The following CDH9 variants were observed in gnomAD, a reference collection of about 807,000 sequenced individuals.
The protein encoded by CDH9 is cadherin 9.
In CDH9, 28 loss-of-function variants were observed where a neutral mutation model predicts 70.9. That is an observed-to-expected ratio of 0.40 (90% CI 0.29 to 0.54). CDH9 has a LOEUF of 0.54. Ranked by LOEUF, CDH9 falls within the 20% of genes least tolerant of loss-of-function variation. The probability of loss-of-function intolerance (pLI) is 0.59; values close to 1 mark genes in which losing one functional copy is unlikely to be tolerated. For missense variants in CDH9, 874 were observed against 984.4 expected (o/e 0.89, Z 1.50); for synonymous variants, 409 against 343.1 (o/e 1.19, Z -2.12).
At position 27,033,357 on chromosome 5, in the gene CDH9, A is replaced by G. The variant is rs575541857; in HGVS notation, c.-50+5106T>C. Among the ~76,000 whole-genome samples, 16 of 151,480 alleles carry G rather than the reference A, an allele frequency of 1.1e-4. 1 individual carries two copies. In the East Asian group the frequency reaches 1.2e-3, roughly 11 times the overall value. On this transcript the variant is annotated intron_variant, in intron 1 of 11. Transcript: ENST00000231021. ...TCATTGTGCTTTCTTTCTGTTTTCC[A>G]TATGTATTCTGGATGCATACACACA...
rs566566062 is a variant in CDH9 at position 26,960,403 on chromosome 5, T to C, written c.228+27703A>G. On this transcript the variant is annotated intron_variant, in intron 2 of 11. Transcript: ENST00000231021. ...ACATAAAACTTTCCAATCACTAGTA[T>C]GCTTACGATACTAAAGGTTTTCTGT... Among the ~76,000 whole-genome samples, 48 of 152,160 alleles carry C rather than the reference T, an allele frequency of 3.2e-4. No homozygotes were observed. The South Asian group carries it at 7.4e-3, about 24-fold the overall frequency.
At chr5:26,894,145 A>G (rs1315145854) in intron 7 of CDH9, among the ~76,000 whole-genome samples, 3 of 152,264 alleles carry the variant, frequency 2.0e-5, no homozygotes, top group East Asian at 3.9e-4. Context: ...TCACCTGTAA[A>G]TATTTCTCTC....
intron 1 of CDH9, among the ~76,000 whole-genome samples, chr5:27,029,924 T>C (rs1442893089): frequency 6.6e-6 from 1 of 151,982 alleles, no homozygotes; most frequent in Non-Finnish European, 1.5e-5. Flanking sequence ...TGTGAAAAGT[T>C]AGATACGTCA....
intron 2 of CDH9, among the ~76,000 whole-genome samples, chr5:26,928,501 T>A (rs1476942716): frequency 1.3e-5 from 2 of 152,054 alleles, no homozygotes; most frequent in Admixed American, 1.3e-4. Flanking sequence ...AATCTTAAAA[T>A]TTTTATGGAC....
chr5:26,908,554 T>C (rs529281082), intron 3 of CDH9, among the ~76,000 whole-genome samples: 208 of 152,300 alleles, frequency 1.4e-3, no homozygotes, highest in Non-Finnish European at 2.4e-3. Flanking sequence ...TTGTAAGCTT[T>C]CATAATGGGT....
At chr5:26,945,433 A>G (rs1361140846) in intron 2 of CDH9, among the ~76,000 whole-genome samples, 1 of 152,156 alleles carries the variant, frequency 6.6e-6, no homozygotes, top group Non-Finnish European at 1.5e-5. Context: ...TAGAAAATAA[A>G]AGTTTCTTTA....
At chr5:26,942,813 A>C (rs1741686401) in intron 2 of CDH9, among the ~76,000 whole-genome samples, 1 of 152,168 alleles carries the variant, frequency 6.6e-6, no homozygotes, top group South Asian at 2.1e-4. Flanking sequence ...AAACTTTTGC[A>C]AAGTTACTCT....
At chr5:26,887,626 A>G (rs1424629879) in intron 9 of CDH9, among the ~76,000 whole-genome samples, 1 of 152,132 alleles carries the variant, frequency 6.6e-6, no homozygotes, top group African/African-American at 2.4e-5. Flanking sequence ...CCCCCAAAAT[A>G]TCTGTTCAAG....
chr5:26,977,487 A>ATATATATATATATATATATG (rs1448310230), intron 2 of CDH9, among the ~76,000 whole-genome samples: 3 of 102,810 alleles, frequency 2.9e-5, no homozygotes, highest in African/African-American at 2.1e-4. Flanking sequence ...GTGTGTGTGT[A>ATATATATATATATATATATG]TATATATATA....
At chr5:26,990,721 C>T (rs1742565908) in intron 1 of CDH9, among the ~76,000 whole-genome samples, 1 of 152,192 alleles carries the variant, frequency 6.6e-6, no homozygotes, top group Non-Finnish European at 1.5e-5. Flanking sequence ...ATCTCAAGGA[C>T]AGCTGTTATC....
At chr5:26,929,589 C>T (rs866902477) in intron 2 of CDH9, among the ~76,000 whole-genome samples, 3 of 151,926 alleles carry the variant, frequency 2.0e-5, no homozygotes, top group Non-Finnish European at 2.9e-5. Context: ...TAGAAGCAAC[C>T]TAAGTGTTCA....
chr5:27,010,140 G>T (rs990011509), intron 1 of CDH9, among the ~76,000 whole-genome samples: 2 of 151,992 alleles, frequency 1.3e-5, no homozygotes, highest in Non-Finnish European at 2.9e-5. Flanking sequence ...TTAACTATAA[G>T]GACAATATTA....
chr5:27,013,260 T>C (rs1742988791), intron 1 of CDH9, among the ~76,000 whole-genome samples: 1 of 151,938 alleles, frequency 6.6e-6, no homozygotes, highest in Admixed American at 6.6e-5. Context: ...TAGTCAAATA[T>C]TTTCTTTTCC....
intron 2 of CDH9, among the ~76,000 whole-genome samples, chr5:26,986,780 A>G (rs1344171472): frequency 1.3e-5 from 2 of 152,032 alleles, no homozygotes; most frequent in Non-Finnish European, 2.9e-5. Flanking sequence ...TTAGTTATTA[A>G]CTGTAGTGTG....
Position 26,906,646 on chromosome 5 carries a change from T to A in CDH9, c.643+73A>T, listed in dbSNP as rs572719372. On this transcript the variant is annotated intron_variant, in intron 4 of 11. Coordinates refer to ENST00000231021, the MANE Select transcript of CDH9 (RefSeq NM_016279.4). ...AAAGAATAATGGTTTTAAAATATTT[T>A]AAAAATCTCTAAATTAATTATGCAT... 31 of 1,522,772 alleles carry A rather than the reference T, an allele frequency of 2.0e-5. No individual in the cohort carries two copies. In the East Asian group the frequency reaches 3.7e-4, roughly 18 times the overall value. The allele number at this position is 1,522,772 out of a possible 1,614,324, so 94.3% of individuals were successfully genotyped here.
intron 6 of CDH9, chr5:26,903,211 G>C (rs1414277657): frequency 3.3e-6 from 1 of 298,578 alleles, no homozygotes; most frequent in African/African-American, 2.3e-5. Context: ...TAAAGATTAA[G>C]AATGTTCTCC....
At chr5:26,923,650 G>T (rs1377334617) in intron 2 of CDH9, among the ~76,000 whole-genome samples, 2 of 151,984 alleles carry the variant, frequency 1.3e-5, no homozygotes, top group Admixed American at 1.3e-4. Context: ...TTCAAGGATA[G>T]ATCAGACGTT....
Position 26,880,858 on chromosome 5 carries a change from G to A in CDH9, c.*278C>T. ...TTATACCTAAGAAAAGGCACAAAAAGCCTTTTACTTATTTTTATTGATTAT... is the reference window on the plus strand; with the variant it reads ...TTATACCTAAGAAAAGGCACAAAAAACCTTTTACTTATTTTTATTGATTAT... On this transcript the variant is annotated 3_prime_UTR_variant, in exon 12 of 12. Coordinates refer to ENST00000231021, the MANE Select transcript of CDH9 (RefSeq NM_016279.4). The A allele has an allele frequency of 4.0e-6, 1 of 247,384 alleles. No homozygotes were observed. The highest frequency in any genetic ancestry group is 7.7e-6 in the Non-Finnish European group (1 of 129,978). 15.3% of individuals were successfully genotyped at this position (247,384 alleles called of 1,614,324 possible).
At chr5:26,980,655 TG>T (rs1742384268) in intron 2 of CDH9, among the ~76,000 whole-genome samples, 1 of 151,936 alleles carries the variant, frequency 6.6e-6, no homozygotes. Flanking sequence ...AAAGGAAACA[TG>T]GTAGTTTCTA....
Sources: allele counts gnomAD v4.1 joint callset (sites outside exome capture counted in the v4.1 genomes callset), GRCh38; gene constraint gnomAD v4.1.1; transcripts MANE v1.5; gene names NCBI Gene and HGNC (gene_info 2026-07-23, HGNC 2026-07-21).